ADORA2B: variants seen among roughly 807,000 people sequenced by gnomAD.
ADORA2B encodes the protein adenosine A2b receptor, also known as adenosine receptor A2b.
A neutral mutation model predicts 20.8 loss-of-function variants in ADORA2B; 18 were observed. That is an observed-to-expected ratio of 0.87 (90% CI 0.60 to 1.29). The LOEUF is 1.29. Among genes scored for constraint, ADORA2B ranks in the 50% most tolerant of loss-of-function variants. The pLI is 0.00. For synonymous variants in ADORA2B, 179 were observed against 178.3 expected (o/e 1.00, Z -0.03); for missense variants, 441 against 422.7 (o/e 1.04, Z -0.38).
At chr17:15,903,022 A>G in the ADORA2B span, among the ~76,000 whole-genome samples, 1 of 152,196 alleles carries the variant, frequency 6.6e-6, no homozygotes. Context: ...TTATGAATTT[A>G]TATTTTATAT....
At chr17:15,955,806 C>T (rs1361699112) in intron 1 of ADORA2B, among the ~76,000 whole-genome samples, 1 of 151,484 alleles carries the variant, frequency 6.6e-6, no homozygotes, top group Non-Finnish European at 1.5e-5. Flanking sequence ...GCAACTTTCA[C>T]CTCCCGGGTT....
At chr17:15,945,713 G>T in intron 1 of ADORA2B, 130 bp downstream of exon 1, 1 of 892,420 alleles carries the variant, frequency 1.1e-6, no homozygotes, top group South Asian at 1.8e-5. Flanking sequence ...GGCGCTTGGA[G>T]GGCTGGTTCC....
chr17:15,896,118 A>G, the ADORA2B span, among the ~76,000 whole-genome samples: 1 of 152,226 alleles, frequency 6.6e-6, no homozygotes, highest in Non-Finnish European at 1.5e-5. Flanking sequence ...TATAATATCT[A>G]TGCTGCATAG....
the ADORA2B span, among the ~76,000 whole-genome samples, chr17:15,859,596 A>G: frequency 1.3e-5 from 2 of 151,888 alleles, no homozygotes; most frequent in East Asian, 3.9e-4. Context: ...CCCTATAACT[A>G]TAAACTAGAC....
At chr17:15,894,011 A>G in the ADORA2B span, among the ~76,000 whole-genome samples, 1 of 152,220 alleles carries the variant, frequency 6.6e-6, no homozygotes, top group Non-Finnish European at 1.5e-5. Context: ...ACAGGCTATA[A>G]GCCAGATTTG....
At chr17:15,907,244 C>T in the ADORA2B span, among the ~76,000 whole-genome samples, 5 of 151,766 alleles carry the variant, frequency 3.3e-5, no homozygotes, top group African/African-American at 4.8e-5. Flanking sequence ...CTAGGTGTAC[C>T]TGCGTGGAAT....
chr17:15,954,131 A>G (rs1318113597), intron 1 of ADORA2B, among the ~76,000 whole-genome samples: 2 of 152,008 alleles, frequency 1.3e-5, no homozygotes, highest in Non-Finnish European at 2.9e-5. Flanking sequence ...GGCACGTGCC[A>G]CCACGCCTGG....
At chr17:15,969,262 A>G (rs182448581) in intron 1 of ADORA2B, among the ~76,000 whole-genome samples, 216 of 152,184 alleles carry the variant, frequency 1.4e-3, no homozygotes, top group African/African-American at 4.7e-3. Context: ...CATCCTGGCT[A>G]ACACAGTGAA....
the ADORA2B span, among the ~76,000 whole-genome samples, chr17:15,854,600 A>G: frequency 6.6e-6 from 1 of 152,200 alleles, no homozygotes; most frequent in Non-Finnish European, 1.5e-5. Context: ...TGTTCAGCTC[A>G]TTTCAAAAGC....
intron 1 of ADORA2B, among the ~76,000 whole-genome samples, chr17:15,963,446 G>C (rs1237658019): frequency 6.6e-6 from 1 of 152,192 alleles, no homozygotes; most frequent in Non-Finnish European, 1.5e-5. Flanking sequence ...GCTTTTGACA[G>C]TTAATGTCAC....
chr17:15,893,012 T>C, the ADORA2B span, among the ~76,000 whole-genome samples: 1 of 152,226 alleles, frequency 6.6e-6, no homozygotes, highest in Non-Finnish European at 1.5e-5. Context: ...TTCCCCCGTC[T>C]GGAACTTTAA....
chr17:15,918,246 T>C, the ADORA2B span, among the ~76,000 whole-genome samples: 1 of 152,174 alleles, frequency 6.6e-6, no homozygotes, highest in Non-Finnish European at 1.5e-5. Flanking sequence ...CAGCTCCTTA[T>C]ACCTTCACCT....
chr17:15,963,883 C>T (rs569471453), intron 1 of ADORA2B, among the ~76,000 whole-genome samples: 2 of 152,336 alleles, frequency 1.3e-5, no homozygotes, highest in South Asian at 2.1e-4. Flanking sequence ...GCCACCTTCA[C>T]ATAAGACAGT....
intron 1 of ADORA2B, among the ~76,000 whole-genome samples, chr17:15,962,706 C>G (rs754453889): frequency 1.3e-5 from 2 of 151,908 alleles, no homozygotes; most frequent in African/African-American, 4.8e-5. Flanking sequence ...TTAGTAGAGA[C>G]GGGGTTTCAC....
chr17:15,903,725 T>C, the ADORA2B span, among the ~76,000 whole-genome samples: 3 of 152,374 alleles, frequency 2.0e-5, no homozygotes, highest in Non-Finnish European at 2.9e-5. Flanking sequence ...ATTTGATTTT[T>C]TGGTGGTGGT....
chr17:15,942,665 A>G (rs34555081), upstream of ADORA2B, among the ~76,000 whole-genome samples: 1 of 152,158 alleles, frequency 6.6e-6, no homozygotes, highest in Admixed American at 6.5e-5. Flanking sequence ...GCAACCAGCC[A>G]GACACCGTTC....
the ADORA2B span, among the ~76,000 whole-genome samples, chr17:15,900,601 C>T: frequency 2.4e-4 from 37 of 152,210 alleles, no homozygotes; most frequent in African/African-American, 8.9e-4. Context: ...CATGTGCCAC[C>T]ATGCCCAGCT....
intron 1 of ADORA2B, among the ~76,000 whole-genome samples, chr17:15,953,844 C>T (rs1969935564): frequency 6.6e-6 from 1 of 152,186 alleles, no homozygotes; most frequent in Non-Finnish European, 1.5e-5. Context: ...AGAGTTGTCC[C>T]CTGTCTTGGA....
intron 1 of ADORA2B, among the ~76,000 whole-genome samples, chr17:15,947,568 G>A (rs147155197): frequency 5.3e-5 from 8 of 152,292 alleles, no homozygotes; most frequent in African/African-American, 1.4e-4. Context: ...TTCCTGGCCC[G>A]TCCAGAGCTT....
Sources: allele counts gnomAD v4.1 joint callset (sites outside exome capture counted in the v4.1 genomes callset), GRCh38; gene constraint gnomAD v4.1.1; transcripts MANE v1.5; gene names NCBI Gene and HGNC (gene_info 2026-07-23, HGNC 2026-07-21).